Variants in NRG1 observed in about 807,000 individuals in gnomAD.
NRG1 encodes pro-neuregulin-1, membrane-bound isoform.
A neutral mutation model predicts 63.8 loss-of-function variants in NRG1; 18 were observed. The observed-to-expected ratio is 0.28, with a 90% CI of 0.19 to 0.42. The LOEUF (loss-of-function observed/expected upper bound fraction) is 0.42. Among genes scored for constraint, NRG1 ranks in the 10% least tolerant of loss-of-function variants. NRG1 has a pLI of 1.00. For missense variants in NRG1, 762 were observed against 814.7 expected, an observed-to-expected ratio of 0.94 and a Z score of 0.79; for synonymous variants, 302 against 301.3, an observed-to-expected ratio of 1.00 and a Z score of -0.02.
intron 1 of NRG1, among the ~76,000 whole-genome samples, chr8:32,574,667 C>T (rs1346811451): frequency 5.3e-5 from 8 of 152,116 alleles, no homozygotes; most frequent in Admixed American, 2.0e-4. Context: ...CTTTGCCTTC[C>T]GTCATGATTG....
intron 5 of NRG1, among the ~76,000 whole-genome samples, chr8:32,702,572 C>T (rs564162542): frequency 2.0e-5 from 3 of 152,248 alleles, no homozygotes; most frequent in Admixed American, 2.0e-4. Flanking sequence ...CTACCACCTC[C>T]TCCTCCTGGG....
chr8:31,885,039 A>G (rs1422484264), intron 1 of NRG1, among the ~76,000 whole-genome samples: 1 of 152,124 alleles, frequency 6.6e-6, no homozygotes, highest in Admixed American at 6.6e-5. Flanking sequence ...CAAGTAAATA[A>G]GCAACGAATA....
chr8:32,275,851 C>A (rs1249173221), intron 1 of NRG1, among the ~76,000 whole-genome samples: 1 of 152,078 alleles, frequency 6.6e-6, no homozygotes, highest in African/African-American at 2.4e-5. Flanking sequence ...CTTTGAGTAG[C>A]AGAGATGAAG....
chr8:32,219,899 T>C (rs1032600890), intron 1 of NRG1, among the ~76,000 whole-genome samples: 115 of 152,340 alleles, frequency 7.5e-4, no homozygotes, highest in African/African-American at 2.6e-3. Context: ...GCTTCAAATC[T>C]GAGCTTTGCC....
intron 7 of NRG1, among the ~76,000 whole-genome samples, chr8:32,752,265 C>T (rs901444622): frequency 4.6e-5 from 7 of 152,124 alleles, no homozygotes; most frequent in African/African-American, 1.7e-4. Flanking sequence ...ATACCAAGAT[C>T]AGGAAGAGAG....
chr8:32,011,185 C>G (rs551279794), intron 1 of NRG1, among the ~76,000 whole-genome samples: 1 of 152,028 alleles, frequency 6.6e-6, no homozygotes, highest in South Asian at 2.1e-4. Context: ...AAAATGTATG[C>G]GTCTCCCGTA....
At chr8:31,823,771 C>A (rs1350088403) in intron 1 of NRG1, among the ~76,000 whole-genome samples, 1 of 152,132 alleles carries the variant, frequency 6.6e-6, no homozygotes, top group African/African-American at 2.4e-5. Context: ...GCAATCTGGG[C>A]AATTCACTTA....
intron 1 of NRG1, among the ~76,000 whole-genome samples, chr8:31,648,957 C>A (rs577182664): frequency 1.1e-3 from 135 of 118,736 alleles, no homozygotes; most frequent in African/African-American, 3.8e-3. Context: ...TTCTTTTTTT[C>A]TTTTCTTTTT....
chr8:32,346,613 T>C (rs1380834596), intron 1 of NRG1, among the ~76,000 whole-genome samples: 1 of 152,100 alleles, frequency 6.6e-6, no homozygotes. Flanking sequence ...ATAATCCCTG[T>C]TGGATATTTT....
At chr8:31,927,439 CTTTTTTTTT>C (rs71539998) in intron 1 of NRG1, among the ~76,000 whole-genome samples, 2 of 68,034 alleles carry the variant, frequency 2.9e-5, no homozygotes, top group Non-Finnish European at 5.2e-5. Context: ...GAGAAAACTA[CTTTTTTTTT>C]TTTTTTTTTT....
At chr8:31,856,479 C>G (rs1380151138) in intron 1 of NRG1, among the ~76,000 whole-genome samples, 1 of 152,182 alleles carries the variant, frequency 6.6e-6, no homozygotes, top group African/African-American at 2.4e-5. Flanking sequence ...CCTTTAAGCA[C>G]TTCTCTGTAT....
chr8:31,881,591 C>G (rs1301649435), intron 1 of NRG1, among the ~76,000 whole-genome samples: 2 of 152,166 alleles, frequency 1.3e-5, no homozygotes, highest in Non-Finnish European at 2.9e-5. Flanking sequence ...ATAAAGAAGG[C>G]ATGTCAAAAG....
At chr8:32,184,084 ATATG>A (rs776566416) in intron 1 of NRG1, among the ~76,000 whole-genome samples, 182 of 63,428 alleles carry the variant, frequency 2.9e-3, no homozygotes, top group Non-Finnish European at 4.3e-3. Flanking sequence ...ACAGTACTAT[ATATG>A]TATGTGTGTG....
At chr8:32,751,846 G>A (rs1828800779) in intron 7 of NRG1, among the ~76,000 whole-genome samples, 3 of 151,914 alleles carry the variant, frequency 2.0e-5, no homozygotes, top group Admixed American at 1.3e-4. Flanking sequence ...GTTTCCAAAC[G>A]CAGCTCAATC....
At chr8:32,711,575 T>A (rs2128983653) in intron 5 of NRG1, among the ~76,000 whole-genome samples, 1 of 152,256 alleles carries the variant, frequency 6.6e-6, no homozygotes, top group South Asian at 2.1e-4. Flanking sequence ...CACTATGAAG[T>A]TATGCTGTAA....
At chr8:32,337,428 A>G (rs1803415680) in intron 1 of NRG1, among the ~76,000 whole-genome samples, 1 of 152,012 alleles carries the variant, frequency 6.6e-6, no homozygotes, top group Admixed American at 6.6e-5. Flanking sequence ...TAAGATGGCT[A>G]TGTTGAAGAG....
Position 32,509,292 on chromosome 8 carries a change from C to T in NRG1, c.38-86536C>T, listed in dbSNP as rs187539999. 3.7e-3 allele frequency among the ~76,000 whole-genome samples: 565 copies of T among 151,950 alleles called. 5 individuals carry two copies. The highest frequency in any genetic ancestry group is 0.013 in the African/African-American group (539 of 41,452). Reference sequence around the variant, plus strand: ...ATTTTTTCATAGAGATGAGGTTTCACCATGTTGCCCAGGCTGGTCTCAAAT... The same window carrying T: ...ATTTTTTCATAGAGATGAGGTTTCATCATGTTGCCCAGGCTGGTCTCAAAT... On this transcript the variant is annotated intron_variant, in intron 1 of 10. Coordinates refer to the NRG1 transcript ENST00000519301.
At chr8:32,510,125 A>AATCATC (rs147438974) in intron 1 of NRG1, among the ~76,000 whole-genome samples, 40 of 147,994 alleles carry the variant, frequency 2.7e-4, no homozygotes, top group African/African-American at 8.4e-4. Flanking sequence ...TAATAATAAT[A>AATCATC]ATCATAAAAG....
chr8:32,639,607 G>A (rs970976555), intron 5 of NRG1, among the ~76,000 whole-genome samples: 1 of 152,138 alleles, frequency 6.6e-6, no homozygotes, highest in Non-Finnish European at 1.5e-5. Context: ...CTTCACATGT[G>A]TATAATCTCA....
Sources: allele counts gnomAD v4.1 joint callset (sites outside exome capture counted in the v4.1 genomes callset), GRCh38; gene constraint gnomAD v4.1.1; transcripts MANE v1.5; gene names NCBI Gene and HGNC (gene_info 2026-07-23, HGNC 2026-07-21).